ADCY2: variants seen among roughly 807,000 people sequenced by gnomAD.
The protein encoded by ADCY2 is adenylate cyclase 2, also known as adenylate cyclase type 2.
ADCY2 carries 31 observed loss-of-function variants against 125.2 expected under a neutral mutation model. That is an observed-to-expected ratio of 0.25 (90% confidence interval 0.19 to 0.33). The LOEUF (loss-of-function observed/expected upper bound fraction) is 0.33. ADCY2 is among the 10% of genes least tolerant of loss of function. The probability of loss-of-function intolerance (pLI) is 1.00; values close to 1 mark genes in which losing one functional copy is unlikely to be tolerated. For synonymous variants in ADCY2, 512 were observed against 548.4 expected (o/e 0.93, Z 0.93); for missense variants, 904 against 1,418.2 (o/e 0.64, Z 5.82).
intron 2 of ADCY2, among the ~76,000 whole-genome samples, chr5:7,508,221 A>G: frequency 6.6e-6 from 1 of 152,162 alleles, no homozygotes; most frequent in East Asian, 1.9e-4. Context: ...ATAATTACCA[A>G]TTTTTAGGTT....
rs904437074 is a variant in ADCY2 at position 7,543,786 on chromosome 5, G to T, written c.570+22887G>T. On this transcript the variant is annotated intron_variant, in intron 3 of 24. Transcript: ENST00000338316. ...CCCAGCACTTTGGGAGGCCGAGGTG[G>T]GCGGATCACAAGGTCAGGAGATTGA... Among the ~76,000 whole-genome samples the T allele has an allele frequency of 5.9e-5, 9 of 152,010 alleles. No homozygotes were observed. The East Asian group carries it at 1.4e-3, about 23-fold the overall frequency.
At chr5:7,472,448 AT>A (rs1742376183) in intron 2 of ADCY2, among the ~76,000 whole-genome samples, 1 of 152,126 alleles carries the variant, frequency 6.6e-6, no homozygotes, top group African/African-American at 2.4e-5. Context: ...TAATATATTA[AT>A]CATAGACATT....
At chr5:7,601,199 G>C (rs1020737114) in intron 3 of ADCY2, among the ~76,000 whole-genome samples, 1 of 152,116 alleles carries the variant, frequency 6.6e-6, no homozygotes, top group Non-Finnish European at 1.5e-5. Flanking sequence ...CAAGGCCAGA[G>C]TTCCCTCATT....
intron 5 of ADCY2, among the ~76,000 whole-genome samples, chr5:7,694,906 C>T (rs6555485): frequency 0.98 from 149,366 of 152,326 alleles, 73,300 homozygotes; most frequent in East Asian, 1. Flanking sequence ...ACATGTGTAC[C>T]CCTCCAGGTT....
intron 5 of ADCY2, chr5:7,691,127 G>C: frequency 4.4e-6 from 1 of 226,230 alleles, no homozygotes; most frequent in Non-Finnish European, 8.6e-6. Context: ...GAAGGGGACA[G>C]CGGGGTCTTC....
intron 3 of ADCY2, among the ~76,000 whole-genome samples, chr5:7,541,844 A>C (rs1223500080): frequency 6.6e-6 from 1 of 152,206 alleles, no homozygotes; most frequent in Non-Finnish European, 1.5e-5. Flanking sequence ...AAAATAATAA[A>C]AATACATGTA....
chr5:7,454,054 AG>A (rs1741575368), intron 2 of ADCY2, among the ~76,000 whole-genome samples: 1 of 152,150 alleles, frequency 6.6e-6, no homozygotes, highest in African/African-American at 2.4e-5. Flanking sequence ...TTAGCGAGAC[AG>A]TTAACAACTG....
intron 2 of ADCY2, among the ~76,000 whole-genome samples, chr5:7,435,551 G>A (rs1740766690): frequency 1.3e-5 from 2 of 152,302 alleles, no homozygotes; most frequent in Admixed American, 6.5e-5. Flanking sequence ...CATTTAAGCT[G>A]TTAATTACAT....
At chr5:7,508,520 AC>A (rs1334377614) in intron 2 of ADCY2, among the ~76,000 whole-genome samples, 5 of 152,124 alleles carry the variant, frequency 3.3e-5, no homozygotes, top group Admixed American at 3.3e-4. Context: ...CTGGACCACA[AC>A]TGTCTCATTG....
At chr5:7,473,439 A>G (rs555430609) in intron 2 of ADCY2, among the ~76,000 whole-genome samples, 1 of 152,114 alleles carries the variant, frequency 6.6e-6, no homozygotes, top group Admixed American at 6.5e-5. Flanking sequence ...GAATTCACTC[A>G]TTATCTCAAG....
rs1277055849 is a variant in ADCY2, at chr5:7,623,201, T to A, written c.571-2966T>A. On this transcript the variant is annotated intron_variant, in intron 3 of 24. Coordinates refer to ENST00000338316, the MANE Select transcript of ADCY2 (RefSeq NM_020546.3). ...TGGTTTTTATTTTGGAGAAATGTAC[T>A]CCCTAAAATGTTGACGGGTTTGCTT... Among the ~76,000 whole-genome samples, 4 of 152,226 alleles carry A rather than the reference T, an allele frequency of 2.6e-5. No homozygotes were observed. In the East Asian group the frequency reaches 7.7e-4, roughly 29 times the overall value.
intron 4 of ADCY2, among the ~76,000 whole-genome samples, chr5:7,627,127 C>T (rs969842618): frequency 2.0e-5 from 3 of 152,112 alleles, no homozygotes; most frequent in African/African-American, 7.2e-5. Context: ...ACAGCACTTC[C>T]TACAGCGCCT....
At chr5:7,497,926 C>T (rs546333789) in intron 2 of ADCY2, among the ~76,000 whole-genome samples, 1 of 152,056 alleles carries the variant, frequency 6.6e-6, no homozygotes, top group East Asian at 1.9e-4. Context: ...TTAGGGTGTC[C>T]ATTGAATAAG....
intron 2 of ADCY2, among the ~76,000 whole-genome samples, chr5:7,494,647 C>A (rs1004270954): frequency 6.6e-6 from 1 of 152,052 alleles, no homozygotes; most frequent in African/African-American, 2.4e-5. Context: ...GGAGTGAACT[C>A]TTTAATTAGT....
At chr5:7,464,575 G>C (rs1044637265) in intron 2 of ADCY2, among the ~76,000 whole-genome samples, 2 of 152,110 alleles carry the variant, frequency 1.3e-5, no homozygotes, top group African/African-American at 4.8e-5. Flanking sequence ...AGTAGATAAG[G>C]GGAACCAATA....
chr5:7,420,251 T>C (rs1316602087), intron 2 of ADCY2, among the ~76,000 whole-genome samples: 6 of 152,114 alleles, frequency 3.9e-5, no homozygotes, highest in Non-Finnish European at 7.4e-5. Flanking sequence ...ACATGGCCTC[T>C]CTGTAATGCC....
At chr5:7,826,649 A>G (rs1745488344) in intron 24 of ADCY2, 70 bp from the exon 25 acceptor site, 3 of 1,604,696 alleles carry the variant, frequency 1.9e-6, no homozygotes. Flanking sequence ...TTAGCTCTGC[A>G]TCCTTGAGTC....
intron 3 of ADCY2, among the ~76,000 whole-genome samples, chr5:7,529,700 G>A (rs6555474): frequency 0.45 from 68,022 of 152,134 alleles, 16,945 homozygotes; most frequent in South Asian, 0.57. Context: ...CCTGGCCATT[G>A]AGAGTGTTGT....
intron 14 of ADCY2, among the ~76,000 whole-genome samples, chr5:7,729,944 A>G (rs1742049440): frequency 6.6e-6 from 1 of 151,866 alleles, no homozygotes; most frequent in Non-Finnish European, 1.5e-5. Context: ...GGATGAATGT[A>G]GAGTGGTGAA....
Sources: gnomAD v4.1 joint callset for allele counts (sites outside exome capture counted in the v4.1 genomes callset) on GRCh38, gnomAD v4.1.1 for gene constraint, MANE v1.5 for transcripts, NCBI Gene and HGNC (gene_info 2026-07-23, HGNC 2026-07-21) for gene names.